Variants in DNAH14 observed in about 807,000 individuals in gnomAD.
DNAH14 encodes dynein axonemal heavy chain 14.
A neutral mutation model predicts 520.9 loss-of-function variants in DNAH14; 478 were observed. The observed-to-expected ratio is 0.92, with a 90% CI of 0.85 to 0.99. The LOEUF is 0.99. DNAH14 is among the 50% of genes least tolerant of loss of function. The probability of loss-of-function intolerance (pLI) is 0.00; values close to 1 mark genes in which losing one functional copy is unlikely to be tolerated. For synonymous variants in DNAH14, 1,581 were observed against 1,757.2 expected (o/e 0.90, Z 2.51); for missense variants, 4,831 against 5,234.5 (o/e 0.92, Z 2.38).
chr1:225,146,014 GCTCA>G (rs1220421977), intron 30 of DNAH14, among the ~76,000 whole-genome samples: 5 of 152,072 alleles, frequency 3.3e-5, no homozygotes, highest in East Asian at 3.8e-4. Flanking sequence ...TCCAATTTGT[GCTCA>G]CTTAGTACGT....
chr1:225,291,583 A>T (rs1011754469), intron 55 of DNAH14, among the ~76,000 whole-genome samples: 2 of 151,934 alleles, frequency 1.3e-5, no homozygotes, highest in Non-Finnish European at 2.9e-5. Flanking sequence ...CACCCAGCTA[A>T]TTTTTTTGTA....
intron 55 of DNAH14, among the ~76,000 whole-genome samples, chr1:225,294,563 G>C (rs1320564105): frequency 6.6e-6 from 1 of 152,130 alleles, no homozygotes; most frequent in Non-Finnish European, 1.5e-5. Flanking sequence ...GCTCATGCCT[G>C]TAATCCCAGC....
chr1:225,102,709 T>C (rs1000560899), intron 23 of DNAH14, among the ~76,000 whole-genome samples: 8 of 152,220 alleles, frequency 5.3e-5, no homozygotes, highest in Admixed American at 3.9e-4. Context: ...TGTCTGTTCA[T>C]ATCCTTCGCC....
chr1:225,107,474 C>T (rs976248654), intron 23 of DNAH14, among the ~76,000 whole-genome samples: 2 of 152,184 alleles, frequency 1.3e-5, no homozygotes, highest in Admixed American at 1.3e-4. Flanking sequence ...AGTGGAGGAA[C>T]ACCAGGGTTC....
intron 10 of DNAH14, among the ~76,000 whole-genome samples, chr1:225,017,971 C>A (rs1344734993): frequency 6.6e-6 from 1 of 152,206 alleles, no homozygotes; most frequent in African/African-American, 2.4e-5. Flanking sequence ...AGATCAGAAA[C>A]AGACAGTGTA....
intron 22 of DNAH14, among the ~76,000 whole-genome samples, chr1:225,098,956 G>A (rs145680238): frequency 2.0e-5 from 3 of 152,180 alleles, no homozygotes; most frequent in African/African-American, 7.2e-5. Flanking sequence ...GGAGCAGGAT[G>A]ATGAGCCCTG....
intron 76 of DNAH14, among the ~76,000 whole-genome samples, chr1:225,365,633 T>C (rs140410827): frequency 1.3e-5 from 2 of 152,128 alleles, no homozygotes; most frequent in Non-Finnish European, 2.9e-5. Context: ...TTTCCCAACA[T>C]CCCGGTTCCT....
chr1:225,115,414 A>G (rs1305779805), intron 23 of DNAH14, among the ~76,000 whole-genome samples: 1 of 152,240 alleles, frequency 6.6e-6, no homozygotes, highest in Non-Finnish European at 1.5e-5. Flanking sequence ...AGTATAAACT[A>G]GACATGTATC....
intron 60 of DNAH14, among the ~76,000 whole-genome samples, chr1:225,314,343 A>T (rs577758854): frequency 2.6e-5 from 4 of 152,080 alleles, no homozygotes; most frequent in Non-Finnish European, 5.9e-5. Flanking sequence ...TGCACGTGAG[A>T]TGGGTCTCCT....
At chr1:225,375,898 C>T (rs1357914540) in intron 78 of DNAH14, among the ~76,000 whole-genome samples, 1 of 151,876 alleles carries the variant, frequency 6.6e-6, no homozygotes, top group African/African-American at 2.4e-5. Context: ...AGCAGCCTGG[C>T]CAACATGATG....
Position 225,272,989 on chromosome 1 carries a change from T to C in DNAH14, c.7874T>C (p.Val2625Ala). 1 of 1,549,726 alleles carries C rather than the reference T, an allele frequency of 6.5e-7. No homozygotes were observed. The highest frequency in any genetic ancestry group is 8.7e-7 in the Non-Finnish European group (1 of 1,146,486). ...LLGLLQADRTVVNSKEMAALL... is the reference protein window; with the variant it reads ...LLGLLQADRTAVNSKEMAALL... ...GGATTGCTGCAAGCTGACAGGACTG[T>C]TGTTAACTCCAAAGAGATGGCTGCT... Residue 2625 changes from valine to alanine, a missense_variant, in exon 52 of 86, where the codon GTT becomes GCT. By Grantham distance (64) the Val-to-Ala change is moderately conservative. Coordinates refer to ENST00000682510, the MANE Select transcript of DNAH14 (RefSeq NM_001367479.1).
At chr1:225,061,365 G>A (rs1347254436) in intron 17 of DNAH14, among the ~76,000 whole-genome samples, 1 of 152,244 alleles carries the variant, frequency 6.6e-6, no homozygotes, top group East Asian at 1.9e-4. Context: ...CATTGGAAAA[G>A]CACAGTATTA....
chr1:225,336,010 C>CGCATATATGCATATATGTATAT (rs2095036008), intron 66 of DNAH14, among the ~76,000 whole-genome samples: 1 of 80,306 alleles, frequency 1.2e-5, no homozygotes, highest in Non-Finnish European at 2.5e-5. Context: ...TATATGTATA[C>CGCATATATGCATATATGTATAT]GCATATATGC....
chr1:225,337,959 ATTCT>A lies in DNAH14; in HGVS notation c.10312-97_10312-94del, dbSNP rs992332268. ...TACTATGAAATACTAGGTCTTATTC[ATTCT>A]TTCTAACTCAACCTTTAAATGTTTT... On this transcript the variant is annotated intron_variant, in intron 67 of 85. Coordinates refer to ENST00000682510, the MANE Select transcript of DNAH14 (RefSeq NM_001367479.1). The A allele has an allele frequency of 4.5e-5, 56 of 1,232,416 alleles. No homozygotes were observed. The Admixed American group carries it at 6.0e-4, about 13-fold the overall frequency. The allele number at this position is 1,232,416 out of a possible 1,614,324, so 76.3% of individuals were successfully genotyped here. A position where few individuals can be genotyped will look rare whatever the true frequency, so the allele number is the denominator to read the frequency against.
intron 60 of DNAH14, among the ~76,000 whole-genome samples, chr1:225,309,638 T>G (rs1026607387): frequency 2.0e-5 from 3 of 152,184 alleles, no homozygotes; most frequent in Admixed American, 2.0e-4. Context: ...CTTATGCCTG[T>G]AATCCCAGCA....
At chr1:225,054,942 A>G (rs907581017) in intron 17 of DNAH14, among the ~76,000 whole-genome samples, 2 of 152,218 alleles carry the variant, frequency 1.3e-5, no homozygotes, top group Non-Finnish European at 2.9e-5. Flanking sequence ...TTAGCTTATA[A>G]CATTTAATGC....
chr1:225,300,939 A>C lies in DNAH14; in HGVS notation c.8540A>C (p.Glu2847Ala), dbSNP rs2094127288. 1 of 1,551,472 alleles carries C rather than the reference A, an allele frequency of 6.4e-7. No individual in the cohort carries two copies. The highest frequency in any genetic ancestry group is 8.7e-7 in the Non-Finnish European group (1 of 1,146,888). Reference sequence around the variant, plus strand: ...ATACCTGACCTGTTTGAAAATGTTGAGCTGGATTCTATTGCAATGAAAATC... The same window carrying C: ...ATACCTGACCTGTTTGAAAATGTTGCGCTGGATTCTATTGCAATGAAAATC... ...GRIPDLFENV[E>A]LDSIAMKIRY... Residue 2847 changes from glutamate (E) to alanine (A), a missense_variant, in exon 56 of 86, where the codon GAG becomes GCG. Glu to Ala is a moderately radical substitution (Grantham distance 107, BLOSUM62 -1). Transcript: ENST00000682510.
chr1:225,144,316 A>G (rs2079721451), intron 28 of DNAH14, 81 bp from the exon 29 acceptor site: 2 of 1,085,458 alleles, frequency 1.8e-6, no homozygotes, highest in Admixed American at 2.6e-5. Context: ...TCCATTTTTA[A>G]TCTTGATTCT....
At chr1:224,938,535 C>T (rs998666740) in intron 1 of DNAH14, among the ~76,000 whole-genome samples, 1 of 151,844 alleles carries the variant, frequency 6.6e-6, no homozygotes, top group Non-Finnish European at 1.5e-5. Context: ...AAAAGACAGG[C>T]AATAACAGAT....
Sources: allele counts gnomAD v4.1 joint callset (sites outside exome capture counted in the v4.1 genomes callset), GRCh38; gene constraint gnomAD v4.1.1; transcripts MANE v1.5; gene names NCBI Gene and HGNC (gene_info 2026-07-23, HGNC 2026-07-21).